PRKCB: variants seen among roughly 807,000 people sequenced by gnomAD.
PRKCB encodes the protein protein kinase C beta type.
In PRKCB, 13 loss-of-function variants were observed where a neutral mutation model predicts 81.5. That is an observed-to-expected ratio of 0.16 (90% CI 0.10 to 0.25). PRKCB has a LOEUF of 0.25. PRKCB is among the 10% of genes least tolerant of loss of function. The pLI, the probability that PRKCB is intolerant of heterozygous loss-of-function variation, is 1.00. For missense variants in PRKCB, 509 were observed against 875.7 expected (o/e 0.58, Z 5.29); for synonymous variants, 335 against 321.4 (o/e 1.04, Z -0.45).
chr16:23,839,979 C>T (rs1457412370), intron 2 of PRKCB, among the ~76,000 whole-genome samples: 2 of 152,280 alleles, frequency 1.3e-5, no homozygotes, highest in African/African-American at 4.8e-5. Context: ...AAAACTCAGC[C>T]ATGAACTTCT....
intron 16 of PRKCB, among the ~76,000 whole-genome samples, chr16:24,201,928 C>T (rs1024943547): frequency 2.0e-5 from 3 of 151,348 alleles, no homozygotes; most frequent in East Asian, 1.9e-4. Flanking sequence ...CCCAGCTACT[C>T]GGGAGGCTGA....
intron 2 of PRKCB, among the ~76,000 whole-genome samples, chr16:23,943,022 G>C (rs930517133): frequency 2.0e-5 from 3 of 152,192 alleles, no homozygotes; most frequent in Non-Finnish European, 4.4e-5. Context: ...AGAAATAGGA[G>C]TGTAGAAATA....
chr16:24,121,805 A>G (rs941752414), intron 8 of PRKCB, among the ~76,000 whole-genome samples: 3 of 152,232 alleles, frequency 2.0e-5, no homozygotes, highest in African/African-American at 7.2e-5. Flanking sequence ...TTCACTGAGC[A>G]TGTGTTGTGT....
intron 2 of PRKCB, among the ~76,000 whole-genome samples, chr16:23,860,799 C>T (rs906269877): frequency 6.6e-6 from 1 of 151,840 alleles, no homozygotes; most frequent in Non-Finnish European, 1.5e-5. Context: ...CCCAGCTACT[C>T]GGGAGGCTGA....
At chr16:23,994,069 A>G (rs189707440) in intron 3 of PRKCB, among the ~76,000 whole-genome samples, 3 of 152,318 alleles carry the variant, frequency 2.0e-5, no homozygotes, top group Non-Finnish European at 4.4e-5. Context: ...TATCCTGTTA[A>G]TCTTTCTCCC....
At chr16:23,935,176 T>C (rs1287400838) in intron 2 of PRKCB, among the ~76,000 whole-genome samples, 1 of 152,144 alleles carries the variant, frequency 6.6e-6, no homozygotes, top group Non-Finnish European at 1.5e-5. Context: ...CTGGGGATCT[T>C]TTAAATGCCC....
At chr16:23,892,350 T>G (rs1249480489) in intron 2 of PRKCB, among the ~76,000 whole-genome samples, 2 of 152,204 alleles carry the variant, frequency 1.3e-5, no homozygotes, top group African/African-American at 4.8e-5. Context: ...TCTCCATTGC[T>G]TCAGGATGCA....
chr16:24,051,729 A>T (rs577654235), intron 5 of PRKCB, among the ~76,000 whole-genome samples: 1 of 152,272 alleles, frequency 6.6e-6, no homozygotes, highest in South Asian at 2.1e-4. Context: ...TAAAAATAAA[A>T]TTACCCAGGC....
intron 5 of PRKCB, among the ~76,000 whole-genome samples, chr16:24,076,924 A>G (rs1340730784): frequency 6.6e-6 from 1 of 152,154 alleles, no homozygotes; most frequent in East Asian, 1.9e-4. Context: ...GTGTAGTCAG[A>G]CATTCTTCCA....
intron 5 of PRKCB, among the ~76,000 whole-genome samples, chr16:24,085,852 C>G (rs922329366): frequency 6.6e-6 from 1 of 152,200 alleles, no homozygotes; most frequent in Admixed American, 6.5e-5. Flanking sequence ...TTGACAGGCT[C>G]TCTTCTTGAC....
intron 2 of PRKCB, among the ~76,000 whole-genome samples, chr16:23,918,071 A>C (rs1451587535): frequency 6.6e-6 from 1 of 152,240 alleles, no homozygotes; most frequent in Non-Finnish European, 1.5e-5. Context: ...CAAGAACAGC[A>C]AAAGACTTCT....
chr16:24,052,575 C>A (rs6497715), intron 5 of PRKCB, among the ~76,000 whole-genome samples: 363 of 152,076 alleles, frequency 2.4e-3, no homozygotes, highest in East Asian at 0.015. Context: ...AAAGGGGTGG[C>A]AGATTCCCAG....
intron 5 of PRKCB, among the ~76,000 whole-genome samples, chr16:24,040,259 G>A (rs1567353624): frequency 6.6e-6 from 1 of 152,070 alleles, no homozygotes; most frequent in East Asian, 1.9e-4. Context: ...ATCTAACATG[G>A]CGATCTCATT....
chr16:24,149,836 A>C (rs1967050536), intron 9 of PRKCB, among the ~76,000 whole-genome samples: 2 of 152,246 alleles, frequency 1.3e-5, no homozygotes, highest in Non-Finnish European at 2.9e-5. Context: ...GGGATCTCTA[A>C]GATACATAAT....
At chr16:24,196,949 G>C (rs891840566) in intron 16 of PRKCB, among the ~76,000 whole-genome samples, 1 of 152,228 alleles carries the variant, frequency 6.6e-6, no homozygotes. Flanking sequence ...TAGGAGGAAG[G>C]TGGTGGTTTG....
At chr16:24,092,979 G>T in intron 6 of PRKCB, 32 bp downstream of exon 6, 2 of 1,598,514 alleles carry the variant, frequency 1.3e-6, no homozygotes, top group South Asian at 1.1e-5. Context: ...GAGCATGGGT[G>T]GTGGAGGTTG....
chr16:24,180,219 A>G (rs1967597520), intron 12 of PRKCB, among the ~76,000 whole-genome samples: 1 of 152,210 alleles, frequency 6.6e-6, no homozygotes, highest in Admixed American at 6.5e-5. Flanking sequence ...CTGGAATCGC[A>G]GGCGTGAGCC....
At chr16:23,995,765 C>T (rs1189719060) in intron 3 of PRKCB, among the ~76,000 whole-genome samples, 2 of 152,202 alleles carry the variant, frequency 1.3e-5, no homozygotes, top group East Asian at 3.8e-4. Context: ...CTCTTGCTAC[C>T]CTGCCTTCTC....
At chr16:23,836,436 GCGCCCTCC>G in intron 1 of PRKCB, 88 bp downstream of exon 1, 12 of 1,369,094 alleles carry the variant, frequency 8.8e-6, no homozygotes, top group Non-Finnish European at 1.1e-5. Flanking sequence ...TGCGCCCTCC[GCGCCCTCC>G]GCACCCTGGG....
Sources: gnomAD v4.1 joint callset for allele counts (sites outside exome capture counted in the v4.1 genomes callset) on GRCh38, gnomAD v4.1.1 for gene constraint, MANE v1.5 for transcripts, NCBI Gene and HGNC (gene_info 2026-07-23, HGNC 2026-07-21) for gene names.